Variants in CAAP1 observed in about 807,000 individuals in gnomAD.
CAAP1 encodes the protein caspase activity and apoptosis inhibitor 1, also known as conserved anti-apoptotic protein.
A neutral mutation model predicts 34.0 loss-of-function variants in CAAP1; 20 were observed. That is an observed-to-expected ratio of 0.59 (90% CI 0.41 to 0.86). CAAP1 has a LOEUF of 0.86. CAAP1 is among the 40% of genes least tolerant of loss of function. The pLI is 0.00. For missense variants in CAAP1, 538 were observed against 450.5 expected (o/e 1.19, Z -1.76); for synonymous variants, 213 against 166.7 (o/e 1.28, Z -2.14).
intron 5 of CAAP1, among the ~76,000 whole-genome samples, chr9:26,852,504 C>A (rs1169623013): frequency 6.6e-6 from 1 of 151,532 alleles, no homozygotes; most frequent in Non-Finnish European, 1.5e-5. Flanking sequence ...GGGAGGTGAA[C>A]AGAAGTAGGT....
At chr9:26,847,277 C>T (rs1405903549) in intron 5 of CAAP1, among the ~76,000 whole-genome samples, 8 of 116,214 alleles carry the variant, frequency 6.9e-5, no homozygotes, top group South Asian at 2.9e-4. Context: ...TGCAGTGGCG[C>T]GATCTCGGCT....
intron 4 of CAAP1, among the ~76,000 whole-genome samples, chr9:26,878,831 A>C (rs1360799409): frequency 6.6e-6 from 1 of 151,882 alleles, no homozygotes; most frequent in Non-Finnish European, 1.5e-5. Flanking sequence ...AAAAAATCCA[A>C]CGCTTTCCTC....
At chr9:26,874,333 G>A (rs1386646568) in intron 4 of CAAP1, among the ~76,000 whole-genome samples, 1 of 151,418 alleles carries the variant, frequency 6.6e-6, no homozygotes, top group African/African-American at 2.4e-5. Flanking sequence ...TGCATAACTG[G>A]AATATCCATC....
rs767746110 is a variant in CAAP1 at position 26,884,807 on chromosome 9, TACTG to T, written c.664_665+2del. 62 of 1,600,476 alleles carry T rather than the reference TACTG, an allele frequency of 3.9e-5. No homozygotes were observed. Among genetic ancestry groups the T allele is most frequent in the Non-Finnish European group, 4.9e-5 (57 of 1,173,594 alleles). On this transcript the variant is annotated splice_donor_variant and coding_sequence_variant, in exon 4 of 6. Coordinates refer to ENST00000333916, the MANE Select transcript of CAAP1 (RefSeq NM_024828.4). LOFTEE classifies it high-confidence loss of function. ...AAATAAAAATGAAAGTTTTTAAACT[TACTG>T]ACTGACTAAATCAGATCCCATCTTA... is the stretch of plus-strand genomic sequence containing the variant.
chr9:26,885,579 G>T (rs976984637), intron 3 of CAAP1, among the ~76,000 whole-genome samples: 1 of 151,558 alleles, frequency 6.6e-6, no homozygotes, highest in African/African-American at 2.4e-5. Context: ...TAAAATCCTT[G>T]CAAAGTCCCA....
chr9:26,851,250 C>G (rs765569142), intron 5 of CAAP1, among the ~76,000 whole-genome samples: 10 of 152,036 alleles, frequency 6.6e-5, no homozygotes, highest in Non-Finnish European at 1.2e-4. Flanking sequence ...AGGCAAAAAT[C>G]AGGGAGATAT....
chr9:26,850,832 T>C (rs1016593800), intron 5 of CAAP1, among the ~76,000 whole-genome samples: 1 of 152,236 alleles, frequency 6.6e-6, no homozygotes, highest in Non-Finnish European at 1.5e-5. Flanking sequence ...GTGCATTAGG[T>C]TGACCATCAT....
chr9:26,880,219 A>G (rs985525803), intron 4 of CAAP1: 5 of 389,112 alleles, frequency 1.3e-5, no homozygotes, highest in East Asian at 8.9e-5. Context: ...TGGACAGCAC[A>G]CAGGCTGGTG....
intron 1 of CAAP1, among the ~76,000 whole-genome samples, chr9:26,891,893 C>T (rs1823912289): frequency 1.3e-5 from 2 of 152,154 alleles, no homozygotes; most frequent in African/African-American, 4.8e-5. Flanking sequence ...TTTTTTAAAA[C>T]GGCGTTCTCT....
At chr9:26,861,044 T>C (rs749149157) in intron 5 of CAAP1, 22 bp downstream of exon 5, 7 of 1,536,756 alleles carry the variant, frequency 4.6e-6, no homozygotes, top group Non-Finnish European at 6.3e-6. Context: ...TTTTATACAA[T>C]AATCAAGTAC....
intron 5 of CAAP1, among the ~76,000 whole-genome samples, chr9:26,843,308 T>A (rs1822522371): frequency 6.6e-6 from 1 of 152,190 alleles, no homozygotes; most frequent in South Asian, 2.1e-4. Flanking sequence ...CTATAACTGA[T>A]GCTAACAACA....
intron 5 of CAAP1, among the ~76,000 whole-genome samples, chr9:26,850,977 G>A (rs371150965): frequency 1.3e-5 from 2 of 152,166 alleles, no homozygotes; most frequent in South Asian, 4.1e-4. Context: ...CCACCAGCCT[G>A]TAAACTTGAC....
intron 1 of CAAP1, among the ~76,000 whole-genome samples, chr9:26,888,175 ACT>A (rs1823799730): frequency 6.6e-6 from 1 of 152,138 alleles, no homozygotes; most frequent in African/African-American, 2.4e-5. Context: ...TGTTTTGTAC[ACT>A]GTTAGCAGAA....
At chr9:26,880,262 TG>T in intron 4 of CAAP1, 1 of 410,100 alleles carries the variant, frequency 2.4e-6, no homozygotes. Flanking sequence ...AGGCCTCACT[TG>T]CCTCCCGCAA....
intron 3 of CAAP1, among the ~76,000 whole-genome samples, 189 bp from the exon 4 acceptor site, chr9:26,885,074 CTTTT>C (rs397893644): frequency 5.1e-5 from 6 of 116,912 alleles, no homozygotes; most frequent in East Asian, 4.7e-4. Context: ...TTTCTCATTG[CTTTT>C]TTTTTTTTTT....
At chr9:26,873,809 T>G (rs537130104) in intron 4 of CAAP1, among the ~76,000 whole-genome samples, 1 of 152,326 alleles carries the variant, frequency 6.6e-6, no homozygotes, top group East Asian at 1.9e-4. Context: ...AAACTATACA[T>G]GCTAAAGTTT....
chr9:26,870,741 C>CA (rs967833967), intron 4 of CAAP1, among the ~76,000 whole-genome samples: 2 of 151,636 alleles, frequency 1.3e-5, no homozygotes, highest in African/African-American at 4.8e-5. Flanking sequence ...CTCAGTCTCC[C>CA]AAGTAGACGG....
intron 4 of CAAP1, among the ~76,000 whole-genome samples, chr9:26,866,018 T>C (rs12353426): frequency 0.022 from 3,365 of 152,194 alleles, 126 homozygotes; most frequent in African/African-American, 0.077. Context: ...GGTTAATTTT[T>C]GTATTTTCAG....
intron 5 of CAAP1, among the ~76,000 whole-genome samples, chr9:26,846,502 T>A (rs1822611747): frequency 6.6e-6 from 1 of 151,860 alleles, no homozygotes; most frequent in African/African-American, 2.4e-5. Flanking sequence ...GGCTATGATT[T>A]TCCTTTCTTT....
Sources: allele counts gnomAD v4.1 joint callset (sites outside exome capture counted in the v4.1 genomes callset), GRCh38; gene constraint gnomAD v4.1.1; transcripts MANE v1.5; gene names NCBI Gene and HGNC (gene_info 2026-07-23, HGNC 2026-07-21).